VWC2: variants seen among roughly 807,000 people sequenced by gnomAD.
The protein encoded by VWC2 is von Willebrand factor C domain containing 2.
A neutral mutation model predicts 29.8 loss-of-function variants in VWC2; 14 were observed. The ratio of observed to expected loss-of-function variants is 0.47; its 90% CI spans 0.31 to 0.74. VWC2 has a LOEUF of 0.74. Ranked by LOEUF, VWC2 falls within the 30% of genes least tolerant of loss-of-function variation. VWC2 has a pLI of 0.05. For synonymous variants in VWC2, 213 were observed against 199.0 expected (o/e 1.07, Z -0.59); for missense variants, 457 against 459.8 (o/e 0.99, Z 0.05).
Position 49,832,083 on chromosome 7 carries a change from C to A in VWC2, c.826+29243C>A, listed in dbSNP as rs563313263. Among the ~76,000 whole-genome samples the A allele has an allele frequency of 2.6e-5, 4 of 152,226 alleles. No individual in the cohort carries two copies. In the South Asian group the frequency reaches 8.3e-4, roughly 32 times the overall value. On this transcript the variant is annotated intron_variant, in intron 3 of 3. Coordinates refer to ENST00000340652, the MANE Select transcript of VWC2 (RefSeq NM_198570.5). ...ATTTTGTTCAGTTGATCAGTGGGGACAAAGCAGTTCAGCTAATTATTTATG... is the reference window on the plus strand; with the variant it reads ...ATTTTGTTCAGTTGATCAGTGGGGAAAAAGCAGTTCAGCTAATTATTTATG...
At chr7:49,857,108 G>A (rs1321709718) in intron 3 of VWC2, among the ~76,000 whole-genome samples, 1 of 148,892 alleles carries the variant, frequency 6.7e-6, no homozygotes, top group Non-Finnish European at 1.5e-5. Flanking sequence ...TTAACTATGG[G>A]CATGATATCG....
chr7:49,845,004 T>G (rs1371961152), intron 3 of VWC2, among the ~76,000 whole-genome samples: 3 of 152,162 alleles, frequency 2.0e-5, no homozygotes, highest in African/African-American at 7.2e-5. Flanking sequence ...TTCGTCCTCA[T>G]TTTTGGGCTT....
chr7:49,871,502 G>C (rs926789704), intron 3 of VWC2, among the ~76,000 whole-genome samples: 1 of 152,160 alleles, frequency 6.6e-6, no homozygotes, highest in Non-Finnish European at 1.5e-5. Flanking sequence ...TTACAGATGA[G>C]TTGGCTTGGT....
chr7:49,784,550 G>A (rs947887817), intron 2 of VWC2, among the ~76,000 whole-genome samples: 1 of 152,174 alleles, frequency 6.6e-6, no homozygotes, highest in East Asian at 1.9e-4. Flanking sequence ...ATCAGATCAG[G>A]ATCTATCTTA....
At position 49,916,185 on chromosome 7, in the gene VWC2, C is replaced by G. The variant is rs148500937; in HGVS notation, c.*4000C>G. 3 of 152,136 alleles carry G rather than the reference C, an allele frequency of 2.0e-5. No individual in the cohort carries two copies. The East Asian group carries it at 5.8e-4, about 29-fold the overall frequency. The allele number at this position is 152,136 out of a possible 1,614,324, so 9.4% of individuals were successfully genotyped here. On this transcript the variant is annotated 3_prime_UTR_variant, in exon 4 of 4. Coordinates refer to ENST00000340652, the MANE Select transcript of VWC2 (RefSeq NM_198570.5). ...GTTTTCTAAATGTAGATCTAGTTTT[C>G]AACTGAATTCTTTGAGGATCGCAAT...
chr7:49,811,707 T>G (rs1324733108), intron 3 of VWC2, among the ~76,000 whole-genome samples: 1 of 152,218 alleles, frequency 6.6e-6, no homozygotes, highest in Non-Finnish European at 1.5e-5. Context: ...AAAATATTGT[T>G]GGCAGAAATG....
chr7:49,853,765 G>A (rs1562732844), intron 3 of VWC2, among the ~76,000 whole-genome samples: 1 of 151,888 alleles, frequency 6.6e-6, no homozygotes, highest in Non-Finnish European at 1.5e-5. Context: ...TGCACAACGT[G>A]CAGGTTTGTT....
Position 49,775,331 on chromosome 7 carries a change from A to C in VWC2, c.-103-2A>C. The C allele has an allele frequency of 2.4e-6, 2 of 850,094 alleles. No individual in the cohort carries two copies. The highest frequency in any genetic ancestry group is 3.1e-6 in the Non-Finnish European group (2 of 638,028). 52.7% of individuals were successfully genotyped at this position (850,094 alleles called of 1,614,324 possible). ...TCAGTTGTGCTGCTGTTCTCTCCGC[A>C]GGGACGGCGGCTCCCGGCTGGCGGC... On this transcript the variant is annotated splice_acceptor_variant, in intron 1 of 3. Coordinates refer to ENST00000340652, the MANE Select transcript of VWC2 (RefSeq NM_198570.5). LOFTEE classifies it low-confidence loss of function (5UTR_SPLICE).
intron 3 of VWC2, among the ~76,000 whole-genome samples, chr7:49,813,098 C>T (rs921142973): frequency 6.6e-6 from 1 of 152,130 alleles, no homozygotes; most frequent in African/African-American, 2.4e-5. Flanking sequence ...ATGCAAATAC[C>T]CTCTTTCTCC....
At chr7:49,835,488 C>T (rs1319125800) in intron 3 of VWC2, among the ~76,000 whole-genome samples, 7 of 152,090 alleles carry the variant, frequency 4.6e-5, no homozygotes, top group Non-Finnish European at 1.0e-4. Context: ...GAGGGCAAGA[C>T]AGATTGTATT....
At chr7:49,854,144 T>G (rs1298583756) in intron 3 of VWC2, among the ~76,000 whole-genome samples, 9 of 152,156 alleles carry the variant, frequency 5.9e-5, no homozygotes, top group Non-Finnish European at 1.0e-4. Context: ...TTCCAAGTCT[T>G]TGCTATTGTG....
At chr7:49,873,582 G>A (rs1791270459) in intron 3 of VWC2, among the ~76,000 whole-genome samples, 1 of 152,168 alleles carries the variant, frequency 6.6e-6, no homozygotes, top group African/African-American at 2.4e-5. Context: ...GTGTGAGCAT[G>A]AGTTGGAAGG....
chr7:49,789,946 C>T (rs1029003088), intron 2 of VWC2, among the ~76,000 whole-genome samples: 4 of 152,230 alleles, frequency 2.6e-5, no homozygotes, highest in African/African-American at 9.6e-5. Flanking sequence ...CTTGCAGAGG[C>T]GGGGGTGCAG....
chr7:49,880,534 T>C (rs946686532), intron 3 of VWC2, among the ~76,000 whole-genome samples: 1 of 151,722 alleles, frequency 6.6e-6, no homozygotes, highest in African/African-American at 2.4e-5. Context: ...TTTATATTTT[T>C]CATCAATTTT....
rs1793659136 is a variant in VWC2 at position 49,915,338 on chromosome 7, A to G, written c.*3153A>G. On this transcript the variant is annotated 3_prime_UTR_variant, in exon 4 of 4. Coordinates refer to ENST00000340652, the MANE Select transcript of VWC2 (RefSeq NM_198570.5). ...GGTCTGTAAGCCTTGAAACTAATTT[A>G]GGTTTGATTATAATACTTTTAATCT... 6.6e-6 allele frequency: 1 copy of G among 152,218 alleles called. No homozygotes were observed. 9.4% of individuals were successfully genotyped at this position (152,218 alleles called of 1,614,324 possible).
intron 3 of VWC2, among the ~76,000 whole-genome samples, chr7:49,804,427 G>T (rs1398895132): frequency 6.6e-6 from 1 of 152,168 alleles, no homozygotes; most frequent in African/African-American, 2.4e-5. Context: ...TGCCCTGCAT[G>T]TCGGGGGTAC....
chr7:49,892,651 G>C (rs1046579513), intron 3 of VWC2, among the ~76,000 whole-genome samples: 2 of 152,196 alleles, frequency 1.3e-5, no homozygotes, highest in African/African-American at 4.8e-5. Flanking sequence ...TGGGTGGGAA[G>C]GCCTATGTAA....
chr7:49,814,179 A>G (rs892360000), intron 3 of VWC2, among the ~76,000 whole-genome samples: 4 of 152,204 alleles, frequency 2.6e-5, no homozygotes, highest in Non-Finnish European at 4.4e-5. Flanking sequence ...CCCAATGGGT[A>G]TTAATTATTT....
At chr7:49,797,185 TC>T (rs1788611737) in intron 2 of VWC2, among the ~76,000 whole-genome samples, 6 of 152,318 alleles carry the variant, frequency 3.9e-5, no homozygotes, top group African/African-American at 1.4e-4. Context: ...ATGACTAGCC[TC>T]TGCTAGTCAT....
Sources: gnomAD v4.1 joint callset for allele counts (sites outside exome capture counted in the v4.1 genomes callset) on GRCh38, gnomAD v4.1.1 for gene constraint, MANE v1.5 for transcripts, NCBI Gene and HGNC (gene_info 2026-07-23, HGNC 2026-07-21) for gene names.